Variants in ERCC6 observed in about 807,000 individuals in gnomAD.
The protein encoded by ERCC6 is ERCC excision repair 6, chromatin remodeling factor, also known as DNA excision repair protein ERCC-6.
A neutral mutation model predicts 158.7 loss-of-function variants in ERCC6; 116 were observed. The observed-to-expected ratio is 0.73, with a 90% CI of 0.63 to 0.85. The LOEUF (loss-of-function observed/expected upper bound fraction) is 0.85. Among genes scored for constraint, ERCC6 ranks in the 40% least tolerant of loss-of-function variants. The probability of loss-of-function intolerance (pLI) is 0.00; values close to 1 mark genes in which losing one functional copy is unlikely to be tolerated. For missense variants in ERCC6, 1,698 were observed against 1,799.4 expected (o/e 0.94, Z 1.02); for synonymous variants, 678 against 659.3 (o/e 1.03, Z -0.43).
intron 6 of ERCC6, chr10:49,504,863 G>C (rs1056053734): frequency 6.6e-5 from 10 of 152,000 alleles, no homozygotes; most frequent in African/African-American, 2.4e-4. Flanking sequence ...AATGTTTAGT[G>C]GGATAAAAAA....
At chr10:49,475,079 G>A (rs994218836) in intron 12 of ERCC6, among the ~76,000 whole-genome samples, 3 of 152,282 alleles carry the variant, frequency 2.0e-5, no homozygotes, top group Admixed American at 6.5e-5. Context: ...AGAGTCATCC[G>A]TGACTCATTC....
rs117555054 is a variant in ERCC6 at position 49,454,725 on chromosome 10, C to A, written c.*4090G>T. Among the ~76,000 whole-genome samples, 1 of 151,852 alleles carries A rather than the reference C, an allele frequency of 6.6e-6. No individual in the cohort carries two copies. The highest frequency in any genetic ancestry group is 2.4e-5 in the African/African-American group (1 of 41,204). ...CTTTACTACACCAAGAAAAGCTATA[C>A]AATTATATCAATATATACCAGAAAA... On this transcript the variant is annotated 3_prime_UTR_variant, in exon 21 of 21. Coordinates refer to ENST00000355832, the MANE Select transcript of ERCC6 (RefSeq NM_000124.4).
rs4253128 is a variant in ERCC6 at position 49,493,881 on chromosome 10, C to G, written c.1686-629G>C. On this transcript the variant is annotated intron_variant, in intron 7 of 20. Coordinates refer to ENST00000355832, the MANE Select transcript of ERCC6 (RefSeq NM_000124.4). Reference sequence around the variant, plus strand: ...CCACCAAAGCACCATGGAGGAGCATCCGAGCGAGTGTTCTCTCCTGGGAAG... The same window carrying G: ...CCACCAAAGCACCATGGAGGAGCATGCGAGCGAGTGTTCTCTCCTGGGAAG... Among the ~76,000 whole-genome samples, 934 of 152,320 alleles carry G rather than the reference C, an allele frequency of 6.1e-3. 7 individuals carry two copies. Among genetic ancestry groups the G allele is most frequent in the Middle Eastern group, 0.031 (9 of 294 alleles).
chr10:49,490,691 A>G (rs1306173760), intron 8 of ERCC6, among the ~76,000 whole-genome samples: 1 of 152,218 alleles, frequency 6.6e-6, no homozygotes, highest in East Asian at 1.9e-4. Flanking sequence ...ACAACAAAGC[A>G]TTTGGAAAAT....
At chr10:49,467,557 A>C (rs1590402974) in intron 18 of ERCC6, among the ~76,000 whole-genome samples, 1 of 152,094 alleles carries the variant, frequency 6.6e-6, no homozygotes, top group East Asian at 1.9e-4. Context: ...CATTTAAAAA[A>C]TTGGGTTATA....
the ERCC6 span, among the ~76,000 whole-genome samples, chr10:49,435,218 A>G: frequency 1.3e-5 from 2 of 152,230 alleles, no homozygotes; most frequent in African/African-American, 4.8e-5. Flanking sequence ...AAAAATCAAA[A>G]ACTGATAGAT....
In ERCC6 at chr10:49,516,128, C is replaced by T. The variant is rs565662180; in HGVS notation, c.1397+7905G>A. The T allele has an allele frequency of 4.0e-5, 65 of 1,614,076 alleles. No homozygotes were observed. The highest frequency in any genetic ancestry group is 2.0e-4 in the Admixed American group (12 of 60,020). On this transcript the variant is annotated intron_variant, in intron 5 of 20. Coordinates refer to ENST00000355832, the MANE Select transcript of ERCC6 (RefSeq NM_000124.4). ...CCTCACTAAACTGAAGGACAAGTGA[C>T]GCACCGACACCATATTCCTCATGTT...
rs535487854 is a variant in ERCC6, at chr10:49,534,154, A to C, written c.-14-1176T>G. On this transcript the variant is annotated intron_variant, in intron 1 of 20. Transcript: ENST00000355832. ...ATCTCAAAAAAAAAAAAAAAAAAAA[A>C]CAAAAAAAAAACTCCATTTTAATAC... Among the ~76,000 whole-genome samples, 705 of 148,312 alleles carry C rather than the reference A, an allele frequency of 4.8e-3. 6 individuals are homozygous for C. Among genetic ancestry groups the C allele is most frequent in the African/African-American group, 0.015 (612 of 39,832 alleles).
At chr10:49,510,742 G>A (rs968014560) in intron 5 of ERCC6, among the ~76,000 whole-genome samples, 10 of 152,132 alleles carry the variant, frequency 6.6e-5, no homozygotes, top group African/African-American at 1.7e-4. Flanking sequence ...TTCATAATTC[G>A]GTTAGGGAAA....
intron 8 of ERCC6, among the ~76,000 whole-genome samples, chr10:49,490,075 C>A (rs111339748): frequency 2.0e-5 from 3 of 152,082 alleles, no homozygotes; most frequent in African/African-American, 4.8e-5. Flanking sequence ...TTATTAAATG[C>A]GATTTCAAGT....
intron 7 of ERCC6, 74 bp downstream of exon 7, chr10:49,500,464 C>G (rs1267936496): frequency 3.6e-5 from 54 of 1,489,288 alleles, no homozygotes; most frequent in Non-Finnish European, 4.8e-5. Flanking sequence ...TCACAAGACC[C>G]TCCTCCACAG....
At chr10:49,451,949 G>A (rs1191853265), downstream of ERCC6, among the ~76,000 whole-genome samples, 12 of 151,968 alleles carry the variant, frequency 7.9e-5, no homozygotes. Context: ...ATTTCTGTAA[G>A]GTTGGTAGTA....
At chr10:49,508,176 C>T (rs905545304) in intron 5 of ERCC6, among the ~76,000 whole-genome samples, 30 of 152,182 alleles carry the variant, frequency 2.0e-4, no homozygotes, top group African/African-American at 7.0e-4. Flanking sequence ...CTTCACTTTG[C>T]AATTTCTCCA....
chr10:49,516,248 C>T lies in ERCC6; in HGVS notation c.1397+7785G>A, dbSNP rs1450612585. On this transcript the variant is annotated intron_variant, in intron 5 of 20. Transcript: ENST00000355832. Reference sequence around the variant, plus strand: ...AAAACTTATAGCCAAACCGAATGGGCTTTCCCCGAATAAATTGTTTGCACC... The same window carrying T: ...AAAACTTATAGCCAAACCGAATGGGTTTTCCCCGAATAAATTGTTTGCACC... 3.1e-6 allele frequency: 5 copies of T among 1,614,026 alleles called. No homozygotes were observed. In the African/African-American group the frequency reaches 5.3e-5, roughly 17 times the overall value.
rs749568055 is a variant in ERCC6 at position 49,493,255 on chromosome 10, G to T, written c.1686-3C>A. 1 of 1,613,898 alleles carries T rather than the reference G, an allele frequency of 6.2e-7. No individual in the cohort carries two copies. Among genetic ancestry groups the T allele is most frequent in the Non-Finnish European group, 8.5e-7 (1 of 1,179,968 alleles). Reference sequence around the variant, plus strand: ...CAGTTGGACCCAACCCCTCAAACCTGCATCCAAACGTCCAAGAAGAAAACA... The same window carrying T: ...CAGTTGGACCCAACCCCTCAAACCTTCATCCAAACGTCCAAGAAGAAAACA... On this transcript the variant is annotated splice_polypyrimidine_tract_variant and splice_region_variant and intron_variant, in intron 7 of 20. Transcript: ENST00000355832.
At chr10:49,526,054 G>A (rs1837311783) in intron 4 of ERCC6, among the ~76,000 whole-genome samples, 1 of 145,650 alleles carries the variant, frequency 6.9e-6, no homozygotes, top group South Asian at 2.2e-4. Context: ...ATGTTGCTAT[G>A]AATATTCTGA....
chr10:49,516,466 T>C, intron 5 of ERCC6: 1 of 1,614,224 alleles, frequency 6.2e-7, no homozygotes, highest in Non-Finnish European at 8.5e-7. Context: ...TCACGTCTCA[T>C]GGCAGCACTA....
At position 49,524,301 on chromosome 10, in the gene ERCC6, T is replaced by C; in HGVS notation, c.1129A>G (p.Thr377Ala). The C allele has an allele frequency of 6.2e-7, 1 of 1,614,014 alleles. No individual in the cohort carries two copies. The highest frequency in any genetic ancestry group is 8.5e-7 in the Non-Finnish European group (1 of 1,179,974). ...SEGEESEYFP[T>A]EEEEEEEDDE... ...TCTTCCTCCTCTTCCTCCTCCTCTGTGGGGAAATACTCAGACTCTTCACCC... is the reference window on the plus strand; with the variant it reads ...TCTTCCTCCTCTTCCTCCTCCTCTGCGGGGAAATACTCAGACTCTTCACCC... Residue 377 changes from threonine to alanine, a missense_variant, in exon 5 of 21, where the codon ACA becomes GCA. Physicochemically the swap from Thr to Ala is moderately conservative, Grantham distance 58 (BLOSUM62 0). Transcript: ENST00000355832.
intron 7 of ERCC6, among the ~76,000 whole-genome samples, chr10:49,499,311 A>C (rs776926130): frequency 1.3e-5 from 2 of 152,124 alleles, no homozygotes; most frequent in Non-Finnish European, 2.9e-5. Flanking sequence ...AACTCCAAAC[A>C]CTCCTCACAG....
Sources: allele counts gnomAD v4.1 joint callset (sites outside exome capture counted in the v4.1 genomes callset), GRCh38; gene constraint gnomAD v4.1.1; transcripts MANE v1.5; gene names NCBI Gene and HGNC (gene_info 2026-07-23, HGNC 2026-07-21).